The following MYH6 variants were observed in gnomAD, a reference collection of about 807,000 sequenced individuals.
The protein encoded by MYH6 is myosin heavy chain 6.
Under a neutral mutation model 223.2 loss-of-function variants are expected in MYH6, and 126 were observed. The ratio of observed to expected loss-of-function variants is 0.56; its 90% confidence interval spans 0.49 to 0.65. The LOEUF (loss-of-function observed/expected upper bound fraction) is 0.65, where lower values mean the gene tolerates loss of function less well. Among genes scored for constraint, MYH6 ranks in the 30% least tolerant of loss-of-function variants. MYH6 has a pLI of 0.00. For missense variants in MYH6, 2,040 were observed against 2,536.4 expected (o/e 0.80, Z 4.20); for synonymous variants, 978 against 1,010.2 (o/e 0.97, Z 0.61).
In MYH6 at chr14:23,394,437, T is replaced by C. The variant is rs1007605595; in HGVS notation, c.2430-114A>G. The C allele has an allele frequency of 2.2e-6, 3 of 1,342,738 alleles. No individual in the cohort carries two copies. The African/African-American group carries it at 4.4e-5, about 20-fold the overall frequency. The allele number at this position is 1,342,738 out of a possible 1,614,324, so 83.2% of individuals were successfully genotyped here. On this transcript the variant is annotated intron_variant, in intron 20 of 38. Transcript: ENST00000405093. The stretch of plus-strand genomic sequence containing the variant: ...GACTTCCTTCTTGTGCACACCCACC[T>C]CCAACATCACTACACTGAACATGGA...
At position 23,397,194 on chromosome 14, in the gene MYH6, T is replaced by A. The variant is rs1445873737; in HGVS notation, c.2026A>T (p.Ile676Phe). The A allele has an allele frequency of 1.2e-6, 2 of 1,614,196 alleles. No individual in the cohort carries two copies. The highest frequency in any genetic ancestry group is 3.3e-5 in the Admixed American group (2 of 60,032). Residue 676 changes from isoleucine (I) to phenylalanine (F), a missense_variant, in exon 17 of 39, where the codon ATC (isoleucine) becomes TTC (phenylalanine). Physicochemically the swap from Ile to Phe is conservative, Grantham distance 21. Transcript: ENST00000405093. ...CCTGGAGCCTTCCGCTCATTGGGGA[T>A]GATGCAACGCACAAAGTGAGGATGG... ...TTHPHFVRCI[I>F]PNERKAPGVM... is the part of the protein sequence containing the mutation.
At chr14:23,392,826 G>A (rs543139761) in intron 24 of MYH6, 86 bp downstream of exon 24, 16 of 1,578,444 alleles carry the variant, frequency 1.0e-5, no homozygotes, top group Non-Finnish European at 9.5e-6. Context: ...CAAGGCAACT[G>A]TGGCCAGTGG....
chr14:23,394,850 G>A (rs1193583926), intron 20 of MYH6, among the ~76,000 whole-genome samples: 1 of 152,082 alleles, frequency 6.6e-6, no homozygotes, highest in African/African-American at 2.4e-5. Context: ...ACATATGAAT[G>A]TATCTTTATT....
At chr14:23,385,174 C>T (rs1032243047) in intron 34 of MYH6, 133 bp from the exon 35 acceptor site, 7 of 1,045,320 alleles carry the variant, frequency 6.7e-6, no homozygotes, top group African/African-American at 1.6e-5. Flanking sequence ...GACTATTGAT[C>T]GTTTTGTACC....
chr14:23,401,827 G>A (rs937243044), intron 12 of MYH6, among the ~76,000 whole-genome samples: 5 of 152,222 alleles, frequency 3.3e-5, no homozygotes, highest in African/African-American at 1.2e-4. Context: ...CTGTTTAGAG[G>A]AGGAGTTATT....
chr14:23,397,337 T>C, intron 16 of MYH6, 80 bp from the exon 17 acceptor site: 1 of 1,408,744 alleles, frequency 7.1e-7, no homozygotes, highest in Non-Finnish European at 1.0e-6. Context: ...CCAGACACTC[T>C]CCACCAGAAT....
chr14:23,382,329 G>T, intron 38 of MYH6, 99 bp downstream of exon 38: 1 of 1,556,112 alleles, frequency 6.4e-7, no homozygotes, highest in Non-Finnish European at 8.8e-7. Context: ...CCTCAGAACT[G>T]CCTACATATA....
chr14:23,396,320 A>C lies in MYH6; in HGVS notation c.2393T>G (p.Leu798Arg). The C allele has an allele frequency of 6.2e-7, 1 of 1,614,142 alleles. No homozygotes were observed. Among genetic ancestry groups the C allele is most frequent in the African/African-American group, 1.3e-5 (1 of 75,052 alleles). Residue 798 changes from leucine to arginine, a missense_variant, in exon 20 of 39, where the codon CTC (leucine) becomes CGC (arginine). This residue lies in a region of MYH6 where 649 missense variants were observed against 877.3 expected (regional missense o/e 0.74). Coordinates refer to ENST00000405093, the MANE Select transcript of MYH6 (RefSeq NM_002471.4). ...TRMQAQARGQ[L>R]MRIEFKKIVE... ...TATCTTCTTGAACTCAATGCGCATG[A>C]GCTGGCCCCGGGCTTGGGCCTGCAT...
chr14:23,384,532 C>G lies in MYH6; in HGVS notation c.5475G>C (p.Glu1825Asp), dbSNP rs79143968. Residue 1825 changes from glutamate (E) to aspartate (D), a missense_variant, in exon 36 of 39, where the codon GAG becomes GAC. Glu to Asp is a conservative substitution (Grantham distance 45, BLOSUM62 2). This residue lies in a region of MYH6 where 1,203 missense variants were observed against 1,400.2 expected (regional missense o/e 0.86). Transcript: ENST00000405093. ...QKLEARVREL[E>D]GELEAEQKRN... ...GCTTCTGCTCGGCCTCCAGCTCACCCTCCAGCTCCCGCACCCGCGCTTCCA... is the reference window on the plus strand; with the variant it reads ...GCTTCTGCTCGGCCTCCAGCTCACCGTCCAGCTCCCGCACCCGCGCTTCCA... The G allele has an allele frequency of 2.5e-6, 4 of 1,613,310 alleles. No individual in the cohort carries two copies. The Admixed American group carries it at 6.7e-5, about 27-fold the overall frequency.
chr14:23,397,334 C>T (rs1891429807), intron 16 of MYH6, 77 bp from the exon 17 acceptor site: 6 of 1,426,314 alleles, frequency 4.2e-6, no homozygotes, highest in Non-Finnish European at 5.9e-6. Flanking sequence ...TCCCCAGACA[C>T]TCTCCACCAG....
Position 23,393,778 on chromosome 14 carries a change from G to A in MYH6, c.2816C>T (p.Thr939Ile). 1 of 1,614,234 alleles carries A rather than the reference G, an allele frequency of 6.2e-7. No homozygotes were observed. The highest frequency in any genetic ancestry group is 8.5e-7 in the Non-Finnish European group (1 of 1,180,042). The part of the protein sequence containing the change: ...EDEEEMNAEL[T>I]AKKRKLEDEC... ...GTCTTCCAGCTTGCGCTTCTTGGCA[G>A]TGAGCTCCGCGTTCATCTCCTCCTC... Residue 939 changes from threonine to isoleucine, a missense_variant, in exon 22 of 39, where the codon ACT becomes ATT. Physicochemically the swap from Thr to Ile is moderately conservative, Grantham distance 89. This residue lies in a region of MYH6 where 1,203 missense variants were observed against 1,400.2 expected (regional missense o/e 0.86). Coordinates refer to ENST00000405093, the MANE Select transcript of MYH6 (RefSeq NM_002471.4).
In MYH6 at chr14:23,386,587, C is replaced by T. The variant is rs755230697; in HGVS notation, c.4687G>A (p.Ala1563Thr). Reference protein sequence around the residue: ...LEHEEGKILRAQLEFNQIKAE... With the variant: ...LEHEEGKILRTQLEFNQIKAE... The stretch of plus-strand genomic sequence containing the variant: ...TTGATCTGGTTGAACTCTAGCTGGG[C>T]CCGGAGGATCTTGCCCTCCTCGTGC... Residue 1563 changes from alanine to threonine, a missense_variant, in exon 33 of 39, where the codon GCC (alanine) becomes ACC (threonine). This residue lies in a region of MYH6 where 1,203 missense variants were observed against 1,400.2 expected (regional missense o/e 0.86). Transcript: ENST00000405093. 1 of 1,612,306 alleles carries T rather than the reference C, an allele frequency of 6.2e-7. No homozygotes were observed. The highest frequency in any genetic ancestry group is 8.5e-7 in the Non-Finnish European group (1 of 1,178,638).
At position 23,408,259 on chromosome 14, in the gene MYH6, C is replaced by G; in HGVS notation, c.-53G>C. 2.0e-6 allele frequency: 2 copies of G among 985,432 alleles called. No individual in the cohort carries two copies. Among genetic ancestry groups the G allele is most frequent in the Non-Finnish European group, 2.4e-6 (2 of 829,958 alleles). The allele number at this position is 985,432 out of a possible 1,614,324, so 61.0% of individuals were successfully genotyped here. Reference sequence around the variant, plus strand: ...ACCCCAAACCTCCTCTTACCTGGGCCGCAGGAGTCTCTCTATCTGTCCTCA... The same window carrying G: ...ACCCCAAACCTCCTCTTACCTGGGCGGCAGGAGTCTCTCTATCTGTCCTCA... On this transcript the variant is annotated 5_prime_UTR_variant, in exon 1 of 39. Transcript: ENST00000405093.
chr14:23,396,642 C>T lies in MYH6; in HGVS notation c.2292+52G>A, dbSNP rs1207990670. The T allele has an allele frequency of 8.7e-6, 14 of 1,613,798 alleles. 1 individual carries two copies. Among genetic ancestry groups the T allele is most frequent in the Admixed American group, 3.3e-5 (2 of 60,000 alleles). On this transcript the variant is annotated intron_variant, in intron 19 of 38. Coordinates refer to ENST00000405093, the MANE Select transcript of MYH6 (RefSeq NM_002471.4). ...CTGCCTCCTAAACTCCTCTCTGCTC[C>T]ACTCAACATGGCCACCTGCCCTGCA...
At chr14:23,393,563 C>T (rs777171782) in intron 22 of MYH6, 45 bp from the exon 23 acceptor site, 3 of 1,613,974 alleles carry the variant, frequency 1.9e-6, no homozygotes, top group Non-Finnish European at 2.5e-6. Context: ...AGATCACCAG[C>T]CTGGAGACAT....
In MYH6 at chr14:23,386,488, C is replaced by T; in HGVS notation, c.4786G>A (p.Val1596Met). The T allele has an allele frequency of 6.2e-7, 1 of 1,614,198 alleles. No homozygotes were observed. Among genetic ancestry groups the T allele is most frequent in the Non-Finnish European group, 8.5e-7 (1 of 1,180,052 alleles). Residue 1596 changes from valine (V) to methionine (M), a missense_variant, in exon 33 of 39, where the codon GTG becomes ATG. Coordinates refer to ENST00000405093, the MANE Select transcript of MYH6 (RefSeq NM_002471.4). ...EQAKRNHQRVVDSLQTSLDAE... is the reference protein window; with the variant it reads ...EQAKRNHQRVMDSLQTSLDAE... ...TCCAGGGAGGTCTGCAGCGAGTCCA[C>T]CACCCGCTGGTGGTTGCGCTTGGCC... is the stretch of plus-strand genomic sequence containing the variant.
At chr14:23,397,932 CTCTTCTTCT>C (rs55907025) in intron 15 of MYH6, among the ~76,000 whole-genome samples, 1,148 of 89,686 alleles carry the variant, frequency 0.013, 32 homozygotes, top group Non-Finnish European at 0.014. Flanking sequence ...CCTCCTCCTC[CTCTTCTTCT>C]TCTTCTTCTT....
In MYH6 at chr14:23,389,485, T is replaced by C; in HGVS notation, c.3886A>G (p.Lys1296Glu). The change falls in exon 28 of 39, where the codon AAG becomes GAG. Residue 1296 changes from lysine (K) to glutamate (E), a missense_variant. Lys to Glu is a moderately conservative substitution (Grantham distance 56). This residue lies in a region of MYH6 where 1,203 missense variants were observed against 1,400.2 expected (regional missense o/e 0.86). Coordinates refer to ENST00000405093, the MANE Select transcript of MYH6 (RefSeq NM_002471.4). ...GTCAGCTGCGAGATTAGCGCCTCCTTTTCCTCTAGCTGCCGGGCCAACTCT... is the reference window on the plus strand; with the variant it reads ...GTCAGCTGCGAGATTAGCGCCTCCTCTTCCTCTAGCTGCCGGGCCAACTCT... The part of the protein sequence containing the change: ...NGELARQLEE[K>E]EALISQLTRG... 1 of 1,614,074 alleles carries C rather than the reference T, an allele frequency of 6.2e-7. No homozygotes were observed. Among genetic ancestry groups the C allele is most frequent in the South Asian group, 1.1e-5 (1 of 91,068 alleles).
intron 19 of MYH6, 72 bp from the exon 20 acceptor site, chr14:23,396,492 A>T (rs892178081): frequency 1.3e-6 from 2 of 1,591,678 alleles, no homozygotes; most frequent in Non-Finnish European, 1.7e-6. Context: ...ACCCTGGATG[A>T]GCTCCCAGGT....
Sources: gnomAD v4.1 joint callset for allele counts (sites outside exome capture counted in the v4.1 genomes callset) on GRCh38, gnomAD v4.1.1 for gene constraint, gnomAD v4.1.1 regional missense constraint, MANE v1.5 for transcripts, NCBI Gene and HGNC (gene_info 2026-07-23, HGNC 2026-07-21) for gene names.